Variants in ADGRV1 observed in about 807,000 individuals in gnomAD.
The protein encoded by ADGRV1 is G-protein coupled receptor 98.
Under a neutral mutation model 596.2 loss-of-function variants are expected in ADGRV1, and 359 were observed. That is an observed-to-expected ratio of 0.60 (90% CI 0.55 to 0.66). The LOEUF (loss-of-function observed/expected upper bound fraction) is 0.66. Ranked by LOEUF, ADGRV1 falls within the 30% of genes least tolerant of loss-of-function variation. The pLI, the probability that ADGRV1 is intolerant of heterozygous loss-of-function variation, is 0.00. For synonymous variants in ADGRV1, 2,681 were observed against 2,679.2 expected, an observed-to-expected ratio of 1.00 and a Z score of -0.02; for missense variants, 7,274 against 7,575.6, an observed-to-expected ratio of 0.96 and a Z score of 1.48.
At chr5:91,133,694 A>G (rs994431374) in intron 87 of ADGRV1, among the ~76,000 whole-genome samples, 4 of 152,140 alleles carry the variant, frequency 2.6e-5, no homozygotes, top group African/African-American at 9.7e-5. Flanking sequence ...TGAGATAGAA[A>G]TCACCTTTCC....
At chr5:90,731,073 C>T (rs998362830) in intron 50 of ADGRV1, among the ~76,000 whole-genome samples, 5 of 152,056 alleles carry the variant, frequency 3.3e-5, no homozygotes, top group African/African-American at 1.2e-4. Flanking sequence ...TATATTAGTC[C>T]ATTCTCACAC....
At chr5:91,093,791 T>C (rs2126595909) in intron 86 of ADGRV1, among the ~76,000 whole-genome samples, 1 of 151,992 alleles carries the variant, frequency 6.6e-6, no homozygotes, top group African/African-American at 2.4e-5. Context: ...TATATGAAAA[T>C]ACATATAAAC....
intron 83 of ADGRV1, among the ~76,000 whole-genome samples, chr5:90,897,718 G>A (rs551157743): frequency 4.9e-4 from 75 of 152,258 alleles, no homozygotes; most frequent in African/African-American, 1.8e-3. Context: ...GAGGGCTATC[G>A]TTTTGCCTAG....
intron 83 of ADGRV1, among the ~76,000 whole-genome samples, chr5:90,919,801 C>G (rs566439463): frequency 6.6e-6 from 1 of 152,092 alleles, no homozygotes; most frequent in East Asian, 1.9e-4. Flanking sequence ...TCGAGACCAG[C>G]CTGACCAGTA....
At chr5:90,739,884 A>G (rs1362172264) in intron 50 of ADGRV1, among the ~76,000 whole-genome samples, 1 of 152,170 alleles carries the variant, frequency 6.6e-6, no homozygotes, top group Non-Finnish European at 1.5e-5. Flanking sequence ...GGTTTGGTTT[A>G]GTAGCTGTTT....
At chr5:90,617,085 A>T (rs1763459178) in intron 2 of ADGRV1, 1 of 152,126 alleles carries the variant, frequency 6.6e-6, no homozygotes, top group Non-Finnish European at 1.5e-5. Context: ...ATTCTTTTTG[A>T]TGGCTGAATA....
At chr5:90,704,749 T>A (rs747840104) in intron 36 of ADGRV1, among the ~76,000 whole-genome samples, 2 of 152,176 alleles carry the variant, frequency 1.3e-5, no homozygotes, top group Admixed American at 6.5e-5. Context: ...AGAATTTTTT[T>A]GAAATTAATT....
At chr5:90,812,967 T>TA (rs1397199546) in intron 74 of ADGRV1, among the ~76,000 whole-genome samples, 1 of 150,324 alleles carries the variant, frequency 6.7e-6, no homozygotes, top group Admixed American at 6.6e-5. Flanking sequence ...CCATCTCTAC[T>TA]AAAAAAATAC....
intron 84 of ADGRV1, among the ~76,000 whole-genome samples, chr5:90,966,538 A>G (rs1343828097): frequency 1.3e-5 from 2 of 148,842 alleles, no homozygotes; most frequent in Admixed American, 1.3e-4. Flanking sequence ...GCCAAAAAAA[A>G]AAAAAAAAAA....
chr5:91,053,355 C>G (rs569371673), intron 85 of ADGRV1, among the ~76,000 whole-genome samples: 1 of 152,074 alleles, frequency 6.6e-6, no homozygotes, highest in African/African-American at 2.4e-5. Context: ...TATTTTAATT[C>G]TATGTGTTTA....
rs137963116 is a variant in ADGRV1 at position 90,885,542 on chromosome 5, G to A, written c.17856+21685G>A. Among the ~76,000 whole-genome samples, 90 of 152,238 alleles carry A rather than the reference G, an allele frequency of 5.9e-4. 5 individuals carry two copies. The East Asian group carries it at 0.016, about 27-fold the overall frequency. ...TCTGTGGGAAATAACAAACCCATCA[G>A]CATATAGTAAGTTTATGGATCAAAT... is the stretch of plus-strand genomic sequence containing the variant. On this transcript the variant is annotated intron_variant, in intron 83 of 89. Transcript: ENST00000405460.
intron 6 of ADGRV1, chr5:90,626,149 T>G (rs1013163887): frequency 4.6e-5 from 7 of 152,076 alleles, no homozygotes; most frequent in Admixed American, 1.3e-4. Flanking sequence ...TAACCCTCCC[T>G]CTACCCTCCT....
At chr5:90,864,198 A>G (rs1367850683) in intron 83 of ADGRV1, among the ~76,000 whole-genome samples, 1 of 152,156 alleles carries the variant, frequency 6.6e-6, no homozygotes, top group Non-Finnish European at 1.5e-5. Flanking sequence ...ATGCTGTGTT[A>G]TAAATTCTTT....
chr5:90,942,124 C>G (rs1776210885), intron 83 of ADGRV1, among the ~76,000 whole-genome samples: 1 of 152,310 alleles, frequency 6.6e-6, no homozygotes, highest in Non-Finnish European at 1.5e-5. Flanking sequence ...GTTGTCGACT[C>G]ATTGACACCG....
intron 83 of ADGRV1, among the ~76,000 whole-genome samples, chr5:90,940,842 C>T (rs1776111700): frequency 6.6e-6 from 1 of 152,092 alleles, no homozygotes; most frequent in African/African-American, 2.4e-5. Context: ...TGCCTCATTT[C>T]TCAGGTTCAC....
intron 52 of ADGRV1, among the ~76,000 whole-genome samples, chr5:90,748,248 G>A (rs547832243): frequency 4.7e-4 from 71 of 152,262 alleles, no homozygotes; most frequent in East Asian, 1.9e-3. Flanking sequence ...GGAGCTAAGC[G>A]TAGTAGATCA....
At chr5:91,088,382 A>G (rs1248892429) in intron 86 of ADGRV1, among the ~76,000 whole-genome samples, 1 of 152,158 alleles carries the variant, frequency 6.6e-6, no homozygotes, top group Non-Finnish European at 1.5e-5. Flanking sequence ...AATTTTTTTT[A>G]CAAACATCTT....
intron 85 of ADGRV1, among the ~76,000 whole-genome samples, chr5:90,986,830 C>T (rs191584436): frequency 6.6e-5 from 10 of 152,272 alleles, no homozygotes; most frequent in East Asian, 5.8e-4. Context: ...GAAAATTCTA[C>T]GTCATTCTTT....
At chr5:90,572,739 T>A (rs1056455126) in intron 1 of ADGRV1, among the ~76,000 whole-genome samples, 1 of 152,058 alleles carries the variant, frequency 6.6e-6, no homozygotes, top group Non-Finnish European at 1.5e-5. Context: ...GGAAAAAAGT[T>A]GAGACCGTAG....
Sources: allele counts gnomAD v4.1 joint callset (sites outside exome capture counted in the v4.1 genomes callset), GRCh38; gene constraint gnomAD v4.1.1; transcripts MANE v1.5; gene names NCBI Gene and HGNC (gene_info 2026-07-23, HGNC 2026-07-21).